The following MDFIC variants were observed in gnomAD, a reference collection of about 807,000 sequenced individuals.
The protein encoded by MDFIC is MyoD family inhibitor domain containing.
In MDFIC, 17 loss-of-function variants were observed where a neutral mutation model predicts 23.2. The ratio of observed to expected loss-of-function variants is 0.73; its 90% CI spans 0.50 to 1.10. The LOEUF is 1.10. Ranked by LOEUF, MDFIC falls within the 50% of genes least tolerant of loss-of-function variation. The pLI, the probability that MDFIC is intolerant of heterozygous loss-of-function variation, is 0.00. For missense variants in MDFIC, 356 were observed against 316.6 expected (o/e 1.12, Z -0.95); for synonymous variants, 120 against 115.2 (o/e 1.04, Z -0.27).
At chr7:114,965,223 A>T (rs1793073575) in intron 3 of MDFIC, among the ~76,000 whole-genome samples, 1 of 152,186 alleles carries the variant, frequency 6.6e-6, no homozygotes, top group Non-Finnish European at 1.5e-5. Context: ...GGGAATCAGG[A>T]GAAATTCAGT....
intron 3 of MDFIC, among the ~76,000 whole-genome samples, chr7:114,955,575 C>T (rs534728347): frequency 3.3e-5 from 5 of 152,210 alleles, no homozygotes; most frequent in Non-Finnish European, 7.3e-5. Flanking sequence ...CTGTAGACCC[C>T]ACATCCCTCA....
chr7:114,968,135 A>C (rs1793140211), intron 3 of MDFIC, among the ~76,000 whole-genome samples: 4 of 152,116 alleles, frequency 2.6e-5, no homozygotes, highest in Admixed American at 2.0e-4. Flanking sequence ...GTTAATCTTG[A>C]AATGTGGTTA....
Position 115,015,989 on chromosome 7 carries a change from G to C in MDFIC, c.*54G>C, listed in dbSNP as rs369434346. 1 of 1,540,866 alleles carries C rather than the reference G, an allele frequency of 6.5e-7. No homozygotes were observed. The highest frequency in any genetic ancestry group is 8.8e-7 in the Non-Finnish European group (1 of 1,138,776). ...GGAGAGTGTTTAAAAATTTCCTTTT[G>C]GGGGGAAGAAAAGCACATTGTAAGA... On this transcript the variant is annotated 3_prime_UTR_variant, in exon 5 of 5. Coordinates refer to ENST00000393486, the MANE Select transcript of MDFIC (RefSeq NM_001166345.3).
At chr7:114,984,578 T>G (rs1371900077) in intron 4 of MDFIC, among the ~76,000 whole-genome samples, 1 of 152,226 alleles carries the variant, frequency 6.6e-6, no homozygotes, top group Non-Finnish European at 1.5e-5. Context: ...TTTGTAGATT[T>G]CTACTTGTTT....
At chr7:114,982,973 G>C (rs1321016853) in intron 4 of MDFIC, among the ~76,000 whole-genome samples, 5 of 152,194 alleles carry the variant, frequency 3.3e-5, no homozygotes, top group African/African-American at 9.6e-5. Flanking sequence ...TAATTAGGGA[G>C]AAGCCCTCAT....
chr7:115,016,220 T>C lies in MDFIC; in HGVS notation c.*285T>C, dbSNP rs1351030990. Reference sequence around the variant, plus strand: ...CAAATGTTAAATGCCTTCTCCTTTTTACCGATATTTCTGTTTCTTTTAACC... The same window carrying C: ...CAAATGTTAAATGCCTTCTCCTTTTCACCGATATTTCTGTTTCTTTTAACC... On this transcript the variant is annotated 3_prime_UTR_variant, in exon 5 of 5. Coordinates refer to ENST00000393486, the MANE Select transcript of MDFIC (RefSeq NM_001166345.3). The C allele has an allele frequency of 2.4e-5, 8 of 338,182 alleles. No homozygotes were observed. Among genetic ancestry groups the C allele is most frequent in the Admixed American group, 1.4e-4 (3 of 21,456 alleles). The allele number at this position is 338,182 out of a possible 1,614,324, so 20.9% of individuals were successfully genotyped here.
At chr7:115,001,368 C>T (rs772841257) in intron 4 of MDFIC, among the ~76,000 whole-genome samples, 2 of 152,156 alleles carry the variant, frequency 1.3e-5, no homozygotes, top group Non-Finnish European at 2.9e-5. Flanking sequence ...AACTGGACCT[C>T]TTGGGAATAC....
In MDFIC at chr7:115,017,941, T is replaced by C. The variant is rs1049109911; in HGVS notation, c.*2006T>C. The C allele has an allele frequency of 6.6e-6, 1 of 152,038 alleles. No homozygotes were observed. The highest frequency in any genetic ancestry group is 2.1e-4 in the South Asian group (1 of 4,828). The allele number at this position is 152,038 out of a possible 1,614,324, so 9.4% of individuals were successfully genotyped here. On this transcript the variant is annotated 3_prime_UTR_variant, in exon 5 of 5. Coordinates refer to ENST00000393486, the MANE Select transcript of MDFIC (RefSeq NM_001166345.3). Reference sequence around the variant, plus strand: ...AGAATATATCACCTGTGGTTTTTCCTTTGAGATGAAACGTAGTTTCTAGTT... The same window carrying C: ...AGAATATATCACCTGTGGTTTTTCCCTTGAGATGAAACGTAGTTTCTAGTT...
chr7:115,014,176 CAAAGTT>C, intron 4 of MDFIC: 1 of 985,234 alleles, frequency 1.0e-6, no homozygotes, highest in Non-Finnish European at 1.2e-6. Flanking sequence ...GAATTCTCTA[CAAAGTT>C]AGAGACTGCA....
At position 114,981,137 on chromosome 7, in the gene MDFIC, C is replaced by T. The variant is rs73445418; in HGVS notation, c.493+1356C>T. ...AATGCAATTTTCTTTAGAGGATCTT[C>T]GCTTCTAGGTGATCGGGTGAAATAA... On this transcript the variant is annotated intron_variant, in intron 4 of 4. Transcript: ENST00000393486. Among the ~76,000 whole-genome samples the T allele has an allele frequency of 5.7e-3, 860 of 152,206 alleles. 6 individuals are homozygous for T. The highest frequency in any genetic ancestry group is 0.019 in the African/African-American group (794 of 41,522).
intron 3 of MDFIC, among the ~76,000 whole-genome samples, chr7:114,944,680 T>C (rs1792611232): frequency 6.6e-6 from 1 of 152,248 alleles, no homozygotes. Flanking sequence ...TTAGTCTGTC[T>C]GTCTTAACTC....
rs200666494 is a variant in MDFIC at position 114,968,793 on chromosome 7, C to CTAT, written c.218-10710_218-10708dup. On this transcript the variant is annotated intron_variant, in intron 3 of 4. Transcript: ENST00000393486. The stretch of plus-strand genomic sequence containing the variant: ...AGAACTTTGAGGGCTATGAGCACTA[C>CTAT]TATTAAAGTTTTGGAAATGTATAAT... Among the ~76,000 whole-genome samples, 12 of 152,284 alleles carry CTAT rather than the reference C, an allele frequency of 7.9e-5. No individual in the cohort carries two copies. In the East Asian group the frequency reaches 2.3e-3, roughly 29 times the overall value.
Position 115,015,964 on chromosome 7 carries a change from G to A in MDFIC, c.*29G>A. ...TTTATCTTTTGTTTGTGTTAAAACTGGAGAGTGTTTAAAAATTTCCTTTTG... is the reference window on the plus strand; with the variant it reads ...TTTATCTTTTGTTTGTGTTAAAACTAGAGAGTGTTTAAAAATTTCCTTTTG... On this transcript the variant is annotated 3_prime_UTR_variant, in exon 5 of 5. Transcript: ENST00000393486. 4 of 1,589,554 alleles carry A rather than the reference G, an allele frequency of 2.5e-6. No homozygotes were observed. Among genetic ancestry groups the A allele is most frequent in the Non-Finnish European group, 3.4e-6 (4 of 1,168,154 alleles).
At chr7:115,007,862 A>ATT (rs35353301) in intron 4 of MDFIC, among the ~76,000 whole-genome samples, 2,773 of 110,938 alleles carry the variant, frequency 0.025, 76 homozygotes, top group African/African-American at 0.057. Context: ...TACTCAGCTA[A>ATT]TTTTTTTTTT....
At position 114,922,266 on chromosome 7, in the gene MDFIC, C is replaced by A. The variant is rs1447722094; in HGVS notation, c.-478C>A. On this transcript the variant is annotated 5_prime_UTR_variant, in exon 1 of 5. Coordinates refer to ENST00000393486, the MANE Select transcript of MDFIC (RefSeq NM_001166345.3). ...GGGGCCGCTAGCCAAGAGTTCGAGG[C>A]CTTCCCGATCCGGATGTGATGAAAA... 16 of 718,864 alleles carry A rather than the reference C, an allele frequency of 2.2e-5. No homozygotes were observed. The highest frequency in any genetic ancestry group is 3.8e-6 in the Non-Finnish European group (2 of 520,324). 44.5% of individuals were successfully genotyped at this position (718,864 alleles called of 1,614,324 possible). A position where few individuals can be genotyped will look rare whatever the true frequency, so the allele number is the denominator to read the frequency against.
intron 4 of MDFIC, among the ~76,000 whole-genome samples, chr7:115,001,141 A>C (rs1263223837): frequency 6.6e-6 from 1 of 152,238 alleles, no homozygotes; most frequent in Non-Finnish European, 1.5e-5. Flanking sequence ...AGTTTGCTCA[A>C]GGATATTAAT....
chr7:114,929,168 A>G (rs914140319), intron 2 of MDFIC, among the ~76,000 whole-genome samples: 2 of 150,102 alleles, frequency 1.3e-5, no homozygotes, highest in Admixed American at 1.3e-4. Context: ...GTGTAGTGGC[A>G]TGATCTCGGC....
intron 1 of MDFIC, 120 bp downstream of exon 1, chr7:114,922,756 C>T (rs1267041195): frequency 3.1e-6 from 4 of 1,292,802 alleles, no homozygotes; most frequent in Non-Finnish European, 1.0e-6. Context: ...CCCCTGGGAC[C>T]CCGCCGCTGT....
intron 3 of MDFIC, among the ~76,000 whole-genome samples, chr7:114,955,235 T>C (rs1039338981): frequency 3.3e-5 from 5 of 152,232 alleles, no homozygotes; most frequent in African/African-American, 4.8e-5. Flanking sequence ...TTTGGATGAT[T>C]GATTTTAAAA....
Sources: gnomAD v4.1 joint callset for allele counts (sites outside exome capture counted in the v4.1 genomes callset) on GRCh38, gnomAD v4.1.1 for gene constraint, MANE v1.5 for transcripts, NCBI Gene and HGNC (gene_info 2026-07-23, HGNC 2026-07-21) for gene names.